UBASH3B: variants seen among roughly 807,000 people sequenced by gnomAD.
UBASH3B encodes ubiquitin associated and SH3 domain containing B.
A neutral mutation model predicts 83.4 loss-of-function variants in UBASH3B; 37 were observed. The ratio of observed to expected loss-of-function variants is 0.44; its 90% CI spans 0.34 to 0.58. UBASH3B has a LOEUF of 0.58. UBASH3B is among the 20% of genes least tolerant of loss of function. UBASH3B has a pLI of 0.01. For synonymous variants in UBASH3B, 304 were observed against 318.3 expected (o/e 0.96, Z 0.48); for missense variants, 657 against 827.2 (o/e 0.79, Z 2.52).
chr11:122,805,468 G>T (rs1485626693), intron 11 of UBASH3B, among the ~76,000 whole-genome samples: 1 of 152,130 alleles, frequency 6.6e-6, no homozygotes, highest in Non-Finnish European at 1.5e-5. Flanking sequence ...GGAGGCGGAG[G>T]TTGCAGTGAG....
intron 6 of UBASH3B, among the ~76,000 whole-genome samples, chr11:122,789,558 G>A (rs1460943703): frequency 1.3e-5 from 2 of 152,140 alleles, no homozygotes; most frequent in Non-Finnish European, 2.9e-5. Context: ...AGGTGGCTTG[G>A]GGTCCATCTC....
intron 1 of UBASH3B, among the ~76,000 whole-genome samples, chr11:122,708,291 CT>C (rs11442792): frequency 0.14 from 17,627 of 127,476 alleles, 1,308 homozygotes; most frequent in African/African-American, 0.27. Flanking sequence ...CTTTGCTTGG[CT>C]TTTTTTTTTT....
At chr11:122,706,106 C>CTTTTTTTTTTTTTTTTTTTTT (rs36055058) in intron 1 of UBASH3B, among the ~76,000 whole-genome samples, 3 of 127,034 alleles carry the variant, frequency 2.4e-5, no homozygotes, top group Non-Finnish European at 3.2e-5. Context: ...TCTTTTCTTT[C>CTTTTTTTTTTTTTTTTTTTTT]TTTTTTTTTT....
At chr11:122,712,890 T>C (rs1003674630) in intron 1 of UBASH3B, among the ~76,000 whole-genome samples, 1 of 128,260 alleles carries the variant, frequency 7.8e-6, no homozygotes, top group Non-Finnish European at 1.6e-5. Flanking sequence ...CTTTCTTCTC[T>C]GGGTGGTTTT....
At chr11:122,696,500 AG>A (rs1863967609) in intron 1 of UBASH3B, among the ~76,000 whole-genome samples, 2 of 151,312 alleles carry the variant, frequency 1.3e-5, no homozygotes, top group South Asian at 2.1e-4. Flanking sequence ...TAGTCGAGAC[AG>A]GGTTTCACCA....
chr11:122,711,164 C>A (rs1434409621), intron 1 of UBASH3B, among the ~76,000 whole-genome samples: 2 of 152,184 alleles, frequency 1.3e-5, no homozygotes, highest in Non-Finnish European at 2.9e-5. Flanking sequence ...AGAGAGCCCC[C>A]ACCCTTCCTC....
At chr11:122,656,803 G>A (rs1159492723) in intron 1 of UBASH3B, among the ~76,000 whole-genome samples, 3 of 152,250 alleles carry the variant, frequency 2.0e-5, no homozygotes, top group South Asian at 2.1e-4. Flanking sequence ...GAATCAGAAG[G>A]AGAAGCGATC....
rs763262593 is a variant in UBASH3B at position 122,808,109 on chromosome 11, C to T, written c.1745C>T (p.Ala582Val). ...GTGGCCCACGCATCTTCCCTTGAAG[C>T]GTGTACCTGCCAACTTCAGGGCCTG... ...LIVAHASSLEACTCQLQGLSP... is the reference protein window; with the variant it reads ...LIVAHASSLEVCTCQLQGLSP... The change falls in exon 13 of 14, where the codon GCG (alanine) becomes GTG (valine). Residue 582 changes from alanine (A) to valine (V), a missense_variant. By Grantham distance (64) the Ala-to-Val change is moderately conservative (BLOSUM62 0). Around this residue, in one of 3 missense-constraint regions of UBASH3B, gnomAD observed 573 missense variants for 739.0 expected, o/e 0.78. Transcript: ENST00000284273. The T allele has an allele frequency of 7.4e-6, 12 of 1,614,148 alleles. No individual in the cohort carries two copies. The highest frequency in any genetic ancestry group is 2.2e-5 in the East Asian group (1 of 44,874).
intron 1 of UBASH3B, among the ~76,000 whole-genome samples, chr11:122,683,213 C>A (rs1863764750): frequency 6.7e-6 from 1 of 148,874 alleles, no homozygotes; most frequent in African/African-American, 2.5e-5. Context: ...TGCACTCCCG[C>A]CTGGAGACAG....
intron 11 of UBASH3B, among the ~76,000 whole-genome samples, chr11:122,804,902 T>C (rs1861311705): frequency 6.6e-6 from 1 of 152,166 alleles, no homozygotes; most frequent in Admixed American, 6.5e-5. Context: ...AGAAACAACA[T>C]AGAAACTCTA....
At chr11:122,694,944 T>C (rs1213584905) in intron 1 of UBASH3B, among the ~76,000 whole-genome samples, 6 of 143,968 alleles carry the variant, frequency 4.2e-5, no homozygotes, top group South Asian at 4.4e-4. Flanking sequence ...ATTTTTCTTT[T>C]CTTTTCTTTC....
At chr11:122,717,197 A>C (rs1455016537) in intron 1 of UBASH3B, among the ~76,000 whole-genome samples, 1 of 152,140 alleles carries the variant, frequency 6.6e-6, no homozygotes, top group Non-Finnish European at 1.5e-5. Flanking sequence ...TAGCATAAGA[A>C]AGCAAGGCCC....
intron 1 of UBASH3B, among the ~76,000 whole-genome samples, chr11:122,672,627 A>G (rs566919153): frequency 2.0e-5 from 3 of 152,280 alleles, no homozygotes; most frequent in Admixed American, 2.0e-4. Context: ...TGCCCGGCCT[A>G]TTTTGTGAAC....
chr11:122,792,578 C>G (rs973492697), intron 6 of UBASH3B, among the ~76,000 whole-genome samples: 3 of 152,138 alleles, frequency 2.0e-5, no homozygotes, highest in Non-Finnish European at 2.9e-5. Flanking sequence ...CTCGGCCTCT[C>G]AAAGTGCTAG....
At position 122,801,195 on chromosome 11, in the gene UBASH3B, A is replaced by G. The variant is rs762592205; in HGVS notation, c.1458A>G (p.Gln486=). The G allele has an allele frequency of 1.5e-5, 25 of 1,614,090 alleles. No homozygotes were observed. The highest frequency in any genetic ancestry group is 2.0e-5 in the Non-Finnish European group (24 of 1,180,024). Residue 486 remains glutamine (Q), a synonymous_variant, in exon 11 of 14, where the codon CAA becomes CAG. Coordinates refer to ENST00000284273, the MANE Select transcript of UBASH3B (RefSeq NM_032873.5). The stretch of plus-strand genomic sequence containing the variant: ...CTGTATTTTACCCCTAAGGTTTACA[A>G]CAAGAAAATCACTTGAAGATCCGTG... ...QTAHNILKGL[Q]QENHLKIRVE...
intron 1 of UBASH3B, among the ~76,000 whole-genome samples, chr11:122,713,733 G>A (rs11600197): frequency 0.29 from 42,663 of 144,758 alleles, 7,045 homozygotes; most frequent in Non-Finnish European, 0.39. Context: ...GCGACAAAGC[G>A]AGACTCCATC....
chr11:122,781,935 G>T (rs370483172), intron 4 of UBASH3B, among the ~76,000 whole-genome samples: 1 of 152,180 alleles, frequency 6.6e-6, no homozygotes. Flanking sequence ...ACTTAAAACC[G>T]AAATGCTCAA....
In UBASH3B at chr11:122,655,916, G is replaced by C; in HGVS notation, c.-134G>C. 3 of 985,462 alleles carry C rather than the reference G, an allele frequency of 3.0e-6. No individual in the cohort carries two copies. The South Asian group carries it at 6.0e-5, about 20-fold the overall frequency. 61.0% of individuals were successfully genotyped at this position (985,462 alleles called of 1,614,324 possible). ...TCCCGACACTGGGGAAGCTCGGAGC[G>C]CCGCCTCCGCTGCCGCCGCCTCCTG... is the stretch of plus-strand genomic sequence containing the variant. On this transcript the variant is annotated 5_prime_UTR_variant, in exon 1 of 14. Transcript: ENST00000284273.
chr11:122,741,358 C>T (rs1861021372), intron 1 of UBASH3B, among the ~76,000 whole-genome samples: 1 of 152,182 alleles, frequency 6.6e-6, no homozygotes, highest in Non-Finnish European at 1.5e-5. Context: ...AACCCAAACC[C>T]ACAAAGACAT....
Sources: gnomAD v4.1 joint callset for allele counts (sites outside exome capture counted in the v4.1 genomes callset) on GRCh38, gnomAD v4.1.1 for gene constraint, gnomAD v4.1.1 regional missense constraint, MANE v1.5 for transcripts, NCBI Gene and HGNC (gene_info 2026-07-23, HGNC 2026-07-21) for gene names.